Variants in EPHA6 observed in about 807,000 individuals in gnomAD.
The protein encoded by EPHA6 is EPH receptor A6, also known as ephrin type-A receptor 6.
In EPHA6, 50 loss-of-function variants were observed where a neutral mutation model predicts 112.0. The ratio of observed to expected loss-of-function variants is 0.45; its 90% CI spans 0.36 to 0.56. The LOEUF (loss-of-function observed/expected upper bound fraction) is 0.56, where lower values mean the gene tolerates loss of function less well. EPHA6 is among the 20% of genes least tolerant of loss of function. EPHA6 has a pLI of 0.00. For synonymous variants in EPHA6, 529 were observed against 490.7 expected (o/e 1.08, Z -1.03); for missense variants, 1,280 against 1,417.4 (o/e 0.90, Z 1.56).
intron 6 of EPHA6, among the ~76,000 whole-genome samples, chr3:97,410,611 T>G (rs1208964949): frequency 1.3e-5 from 2 of 152,048 alleles, no homozygotes; most frequent in Non-Finnish European, 2.9e-5. Context: ...CACAAGGAAC[T>G]AAGAAAAGTG....
rs78864877 is a variant in EPHA6 at position 97,750,060 on chromosome 3, T to A, written c.*1359T>A. On this transcript the variant is annotated 3_prime_UTR_variant, in exon 18 of 18. Transcript: ENST00000389672. ...TTAAGCTGAGTTGGCTTATCAAAAT[T>A]GTGCTATATCTTATGAACAAATTAA... Among the ~76,000 whole-genome samples the A allele has an allele frequency of 0.038, 5,846 of 152,252 alleles. 205 individuals carry two copies. Among genetic ancestry groups the A allele is most frequent in the African/African-American group, 0.095 (3,928 of 41,520 alleles).
At chr3:96,854,162 A>C (rs2035556978) in intron 1 of EPHA6, among the ~76,000 whole-genome samples, 1 of 148,352 alleles carries the variant, frequency 6.7e-6, no homozygotes, top group African/African-American at 2.5e-5. Context: ...GAATACTTCA[A>C]CTCTGTTTAA....
At chr3:97,383,410 C>T (rs2085866352) in intron 5 of EPHA6, among the ~76,000 whole-genome samples, 1 of 151,980 alleles carries the variant, frequency 6.6e-6, no homozygotes, top group South Asian at 2.1e-4. Flanking sequence ...ATGCCAAATT[C>T]ATATTATTGG....
chr3:97,731,072 G>T (rs1395278980), intron 15 of EPHA6, among the ~76,000 whole-genome samples: 1 of 152,082 alleles, frequency 6.6e-6, no homozygotes, highest in African/African-American at 2.4e-5. Context: ...AAAAGGAGAA[G>T]CAAGGAGACT....
chr3:97,253,003 G>GA (rs1007487640), intron 5 of EPHA6, among the ~76,000 whole-genome samples: 1 of 152,124 alleles, frequency 6.6e-6, no homozygotes, highest in Non-Finnish European at 1.5e-5. Context: ...TATGTAGTGG[G>GA]AAAAAAAGAT....
intron 3 of EPHA6, among the ~76,000 whole-genome samples, chr3:97,189,429 G>A (rs562683351): frequency 2.0e-5 from 3 of 152,158 alleles, no homozygotes; most frequent in African/African-American, 7.2e-5. Context: ...AGAGAACAAG[G>A]AGCAGTAAAA....
chr3:96,928,617 G>A (rs984510072), intron 2 of EPHA6, among the ~76,000 whole-genome samples: 6 of 152,292 alleles, frequency 3.9e-5, no homozygotes, highest in Non-Finnish European at 5.9e-5. Context: ...GGAGAGTTCT[G>A]TAGGTATCTA....
At chr3:97,109,575 C>G (rs924870328) in intron 3 of EPHA6, among the ~76,000 whole-genome samples, 1 of 152,222 alleles carries the variant, frequency 6.6e-6, no homozygotes, top group African/African-American at 2.4e-5. Flanking sequence ...CTAAGAGCTG[C>G]TACTTTTTCA....
chr3:97,427,911 C>G (rs2089258500), intron 6 of EPHA6, among the ~76,000 whole-genome samples: 1 of 152,062 alleles, frequency 6.6e-6, no homozygotes, highest in Admixed American at 6.6e-5. Flanking sequence ...ACACTGGGGC[C>G]TACTTGAGGG....
chr3:96,969,812 C>CGG (rs1195420325), intron 2 of EPHA6, among the ~76,000 whole-genome samples: 5 of 152,022 alleles, frequency 3.3e-5, no homozygotes, highest in South Asian at 2.1e-4. Context: ...GATCTTTCAG[C>CGG]ATCATTTAAT....
chr3:96,876,488 C>T (rs1048479469), intron 2 of EPHA6, among the ~76,000 whole-genome samples: 3 of 151,344 alleles, frequency 2.0e-5, no homozygotes, highest in African/African-American at 7.3e-5. Flanking sequence ...ACCTTTCCAA[C>T]CCATCCCTCA....
chr3:96,928,549 A>T (rs72916446), intron 2 of EPHA6, among the ~76,000 whole-genome samples: 2,048 of 152,156 alleles, frequency 0.013, 50 homozygotes, highest in African/African-American at 0.045. Context: ...TTGTGTGTCA[A>T]TTTGAGAGTA....
chr3:96,888,787 A>T (rs191420009), intron 2 of EPHA6, among the ~76,000 whole-genome samples: 15 of 152,286 alleles, frequency 9.8e-5, no homozygotes, highest in African/African-American at 3.6e-4. Context: ...TTGGTGATTA[A>T]TATTCAGCTC....
chr3:97,031,200 A>C (rs1410675203), intron 3 of EPHA6, among the ~76,000 whole-genome samples: 1 of 152,136 alleles, frequency 6.6e-6, no homozygotes, highest in African/African-American at 2.4e-5. Flanking sequence ...TGGGGAAAGG[A>C]TTCCCTATTT....
intron 5 of EPHA6, among the ~76,000 whole-genome samples, chr3:97,348,823 T>C (rs916522298): frequency 4.6e-5 from 7 of 152,008 alleles, no homozygotes; most frequent in South Asian, 2.1e-4. Flanking sequence ...TGAGTAATCA[T>C]AGGTGTTTTT....
At chr3:96,937,383 T>G (rs922380350) in intron 2 of EPHA6, among the ~76,000 whole-genome samples, 1 of 152,148 alleles carries the variant, frequency 6.6e-6, no homozygotes, top group Non-Finnish European at 1.5e-5. Flanking sequence ...TTTCATGTGT[T>G]TTTTGGCTGC....
chr3:97,195,920 A>T (rs932659155), intron 3 of EPHA6, among the ~76,000 whole-genome samples: 1 of 151,676 alleles, frequency 6.6e-6, no homozygotes, highest in African/African-American at 2.4e-5. Context: ...TCTTTTCTTT[A>T]TCCTTGACTT....
Position 96,842,751 on chromosome 3 carries a change from A to G in EPHA6, c.386-24074A>G, listed in dbSNP as rs563237750. 4.6e-5 allele frequency among the ~76,000 whole-genome samples: 7 copies of G among 152,166 alleles called. No homozygotes were observed. In the South Asian group the frequency reaches 8.3e-4, roughly 18 times the overall value. On this transcript the variant is annotated intron_variant, in intron 1 of 17. Coordinates refer to ENST00000389672, the MANE Select transcript of EPHA6 (RefSeq NM_001080448.3). The stretch of plus-strand genomic sequence containing the variant: ...TACCTTCCTACTCTATTCATTTTCC[A>G]TATAAGCAGAGAAAATTCCCCCAGA...
intron 2 of EPHA6, among the ~76,000 whole-genome samples, chr3:96,981,948 C>T (rs987863493): frequency 6.6e-6 from 1 of 151,894 alleles, no homozygotes; most frequent in African/African-American, 2.4e-5. Flanking sequence ...TCTCTCTTTT[C>T]TTCTTTATTA....
Sources: gnomAD v4.1 joint callset for allele counts (sites outside exome capture counted in the v4.1 genomes callset) on GRCh38, gnomAD v4.1.1 for gene constraint, MANE v1.5 for transcripts, NCBI Gene and HGNC (gene_info 2026-07-23, HGNC 2026-07-21) for gene names.